Variants in SLC4A7 observed in about 807,000 individuals in gnomAD.
SLC4A7 encodes the protein sodium bicarbonate cotransporter 3.
A neutral mutation model predicts 137.6 loss-of-function variants in SLC4A7; 51 were observed. The ratio of observed to expected loss-of-function variants is 0.37; its 90% CI spans 0.30 to 0.47. The LOEUF (loss-of-function observed/expected upper bound fraction) is 0.47. Ranked by LOEUF, SLC4A7 falls within the 20% of genes least tolerant of loss-of-function variation. The pLI, the probability that SLC4A7 is intolerant of heterozygous loss-of-function variation, is 1.00. For synonymous variants in SLC4A7, 542 were observed against 518.6 expected (o/e 1.05, Z -0.61); for missense variants, 1,247 against 1,525.4 (o/e 0.82, Z 3.04).
At chr3:27,384,124 T>C (rs58677806) in intron 23 of SLC4A7, among the ~76,000 whole-genome samples, 4,646 of 152,146 alleles carry the variant, frequency 0.031, 244 homozygotes, top group African/African-American at 0.11. Context: ...TCCTTATTAA[T>C]AGAAATTTGA....
intron 12 of SLC4A7, among the ~76,000 whole-genome samples, chr3:27,409,958 A>G (rs2053747729): frequency 6.6e-6 from 1 of 152,228 alleles, no homozygotes; most frequent in Non-Finnish European, 1.5e-5. Flanking sequence ...TTATCCAAAT[A>G]CACTTTAATA....
At chr3:27,471,001 T>C (rs2059222117) in intron 1 of SLC4A7, among the ~76,000 whole-genome samples, 1 of 152,152 alleles carries the variant, frequency 6.6e-6, no homozygotes, top group Non-Finnish European at 1.5e-5. Flanking sequence ...AAACACATTT[T>C]GCATCACAAC....
intron 24 of SLC4A7, among the ~76,000 whole-genome samples, chr3:27,382,213 G>A (rs1446047836): frequency 6.6e-6 from 1 of 151,996 alleles, no homozygotes; most frequent in Non-Finnish European, 1.5e-5. Context: ...TCTGCCTCCT[G>A]GGTTCAACCA....
intron 7 of SLC4A7, among the ~76,000 whole-genome samples, chr3:27,426,891 A>C (rs1026963218): frequency 6.6e-6 from 1 of 152,244 alleles, no homozygotes; most frequent in Non-Finnish European, 1.5e-5. Context: ...AATTACAAAA[A>C]AATAAAGCTA....
intron 3 of SLC4A7, among the ~76,000 whole-genome samples, chr3:27,445,984 ATATATAT>A: frequency 8.7e-6 from 1 of 114,584 alleles, no homozygotes; most frequent in African/African-American, 3.2e-5. Context: ...ATATATATAT[ATATATAT>A]AGTGCCCTTG....
At position 27,424,153 on chromosome 3, in the gene SLC4A7, C is replaced by G. The variant is rs1559729133; in HGVS notation, c.1151-1G>C. 6.6e-7 allele frequency: 1 copy of G among 1,522,972 alleles called. No individual in the cohort carries two copies. The highest frequency in any genetic ancestry group is 9.0e-7 in the Non-Finnish European group (1 of 1,109,960). The allele number at this position is 1,522,972 out of a possible 1,614,324, so 94.3% of individuals were successfully genotyped here. A position where few individuals can be genotyped will look rare whatever the true frequency, so the allele number is the denominator to read the frequency against. Reference sequence around the variant, plus strand: ...GCAGACTGGGGAGAGGCCAAAATACCTATGTTTAAAGACAAATTCCAAATT... The same window carrying G: ...GCAGACTGGGGAGAGGCCAAAATACGTATGTTTAAAGACAAATTCCAAATT... On this transcript the variant is annotated splice_acceptor_variant, in intron 7 of 25. Coordinates refer to ENST00000454389, the MANE Select transcript of SLC4A7 (RefSeq NM_001321103.2). LOFTEE classifies it high-confidence loss of function.
intron 18 of SLC4A7, among the ~76,000 whole-genome samples, chr3:27,397,034 CT>C (rs71624668): frequency 2.2e-4 from 32 of 148,416 alleles, no homozygotes; most frequent in Admixed American, 2.0e-4. Context: ...TTTTAGGTTA[CT>C]TTTTTTTTTT....
At chr3:27,412,989 G>A (rs1225619819) in intron 11 of SLC4A7, among the ~76,000 whole-genome samples, 1 of 151,996 alleles carries the variant, frequency 6.6e-6, no homozygotes, top group Non-Finnish European at 1.5e-5. Context: ...CAGAAACTAA[G>A]ATACAAAATA....
intron 16 of SLC4A7, among the ~76,000 whole-genome samples, chr3:27,399,938 A>G (rs1167492408): frequency 6.6e-6 from 1 of 152,230 alleles, no homozygotes; most frequent in Non-Finnish European, 1.5e-5. Context: ...TGTATTGGAC[A>G]ATACAGTCTT....
chr3:27,479,174 G>C (rs367550476), intron 1 of SLC4A7, among the ~76,000 whole-genome samples: 3 of 152,186 alleles, frequency 2.0e-5, no homozygotes, highest in South Asian at 2.1e-4. Context: ...CAGCACTTTG[G>C]GGGGCAGAGG....
chr3:27,400,525 T>A (rs1559666747), intron 16 of SLC4A7, among the ~76,000 whole-genome samples: 2 of 152,224 alleles, frequency 1.3e-5, no homozygotes, highest in Admixed American at 1.3e-4. Context: ...ACTGTTCATA[T>A]CTTGGAAGTC....
chr3:27,459,711 T>G (rs1018181071), intron 1 of SLC4A7, among the ~76,000 whole-genome samples: 3 of 152,120 alleles, frequency 2.0e-5, no homozygotes, highest in Non-Finnish European at 4.4e-5. Flanking sequence ...CTGTAAACAG[T>G]AGGAAAATCC....
chr3:27,472,049 A>G (rs1343763490), intron 1 of SLC4A7, among the ~76,000 whole-genome samples: 1 of 152,180 alleles, frequency 6.6e-6, no homozygotes. Context: ...TCTGAAATTC[A>G]CTGCTACCAA....
intron 20 of SLC4A7, among the ~76,000 whole-genome samples, chr3:27,393,197 C>T (rs1011201786): frequency 1.3e-5 from 2 of 152,014 alleles, no homozygotes; most frequent in Admixed American, 6.6e-5. Flanking sequence ...AACTGCCTCC[C>T]TAAGTATCTG....
intron 1 of SLC4A7, among the ~76,000 whole-genome samples, chr3:27,473,423 TA>T (rs1486813471): frequency 1.3e-5 from 2 of 151,882 alleles, no homozygotes; most frequent in Non-Finnish European, 2.9e-5. Context: ...CACATTTTTG[TA>T]AAATAGAAAG....
Position 27,386,021 on chromosome 3 carries a change from A to G in SLC4A7, c.3363T>C (p.Val1121=), listed in dbSNP as rs1389438836. The G allele has an allele frequency of 6.3e-7, 1 of 1,595,346 alleles. No homozygotes were observed. The highest frequency in any genetic ancestry group is 1.8e-5 in the Admixed American group (1 of 54,596). The change falls in exon 23 of 26, where the codon GTT becomes GTC. Residue 1121 remains valine, a splice_region_variant and synonymous_variant. Coordinates refer to ENST00000454389, the MANE Select transcript of SLC4A7 (RefSeq NM_001321103.2). The stretch of plus-strand genomic sequence containing the variant: ...GTTTGCGCACAAACACTAATGCAAG[A>G]ACCTTTAAAAAGTGGGGAAGGAAAT... ...SAAAVVFPMM[V]LALVFVRKLM...
At chr3:27,431,010 TTAA>T (rs2056218689) in intron 7 of SLC4A7, among the ~76,000 whole-genome samples, 1 of 152,204 alleles carries the variant, frequency 6.6e-6, no homozygotes. Flanking sequence ...ACTCAAATTT[TTAA>T]TAATCTTACT....
chr3:27,437,349 C>T (rs564510828), intron 4 of SLC4A7, 39 bp downstream of exon 4: 152 of 1,409,282 alleles, frequency 1.1e-4, no homozygotes, highest in Non-Finnish European at 1.1e-4. Flanking sequence ...AAAACTCCAT[C>T]TCAAAAAAAA....
At chr3:27,379,181 G>A in intron 25 of SLC4A7, 68 bp downstream of exon 25, 2 of 753,340 alleles carry the variant, frequency 2.7e-6, no homozygotes, top group South Asian at 1.5e-5. Context: ...AAGAAAGAAA[G>A]GAATGAAGCT....
Sources: gnomAD v4.1 joint callset for allele counts (sites outside exome capture counted in the v4.1 genomes callset) on GRCh38, gnomAD v4.1.1 for gene constraint, MANE v1.5 for transcripts, NCBI Gene and HGNC (gene_info 2026-07-23, HGNC 2026-07-21) for gene names.